KDM4C: variants seen among roughly 807,000 people sequenced by gnomAD.
The protein encoded by KDM4C is lysine-specific demethylase 4C.
A neutral mutation model predicts 129.3 loss-of-function variants in KDM4C; 81 were observed. The ratio of observed to expected loss-of-function variants is 0.63; its 90% confidence interval spans 0.52 to 0.75. The LOEUF (loss-of-function observed/expected upper bound fraction) is 0.75. Among genes scored for constraint, KDM4C ranks in the 30% least tolerant of loss-of-function variants. The probability of loss-of-function intolerance (pLI) is 0.00; values close to 1 mark genes in which losing one functional copy is unlikely to be tolerated. For missense variants in KDM4C, 1,457 were observed against 1,304.0 expected (o/e 1.12, Z -1.81); for synonymous variants, 573 against 456.1 (o/e 1.26, Z -3.26).
intron 8 of KDM4C, among the ~76,000 whole-genome samples, chr9:6,947,801 C>G (rs1335362485): frequency 1.3e-5 from 2 of 150,494 alleles, no homozygotes; most frequent in Non-Finnish European, 3.0e-5. Flanking sequence ...AAGTCAGAAT[C>G]TTGGGTGTGT....
At chr9:7,103,971 C>G (rs1837398439) in intron 18 of KDM4C, 101 bp downstream of exon 18, 2 of 1,052,302 alleles carry the variant, frequency 1.9e-6, no homozygotes, top group Admixed American at 2.1e-5. Context: ...TGTAATATGA[C>G]TCATTGTTGA....
At chr9:6,911,474 A>G (rs1049047752) in intron 8 of KDM4C, among the ~76,000 whole-genome samples, 2 of 152,212 alleles carry the variant, frequency 1.3e-5, no homozygotes, top group Non-Finnish European at 2.9e-5. Context: ...TGAATTACAT[A>G]TCCCGATTAA....
chr9:7,006,703 T>C (rs1821737661), intron 12 of KDM4C, among the ~76,000 whole-genome samples: 1 of 152,200 alleles, frequency 6.6e-6, no homozygotes. Flanking sequence ...TTAACTCATA[T>C]TTCTTTTTGA....
At chr9:7,010,274 G>A (rs1305042986) in intron 12 of KDM4C, among the ~76,000 whole-genome samples, 1 of 152,108 alleles carries the variant, frequency 6.6e-6, no homozygotes, top group Non-Finnish European at 1.5e-5. Flanking sequence ...CTCTACCCAT[G>A]GGTGAATACC....
intron 1 of KDM4C, among the ~76,000 whole-genome samples, chr9:6,787,608 CAG>C (rs552136585): frequency 3.3e-5 from 5 of 152,228 alleles, no homozygotes; most frequent in Non-Finnish European, 2.9e-5. Context: ...AAATTTTGTT[CAG>C]AATGTATTTG....
intron 17 of KDM4C, among the ~76,000 whole-genome samples, chr9:7,085,985 G>A (rs1049841130): frequency 3.3e-5 from 5 of 152,022 alleles, no homozygotes; most frequent in Middle Eastern, 3.2e-3. Flanking sequence ...GCAAAATCCC[G>A]TGTCTACTAA....
At chr9:7,124,869 G>T (rs904745103) in intron 18 of KDM4C, among the ~76,000 whole-genome samples, 34 of 152,158 alleles carry the variant, frequency 2.2e-4, no homozygotes, top group Non-Finnish European at 3.2e-4. Context: ...GATGGTTAGA[G>T]ACCCTTACGA....
intron 1 of KDM4C, among the ~76,000 whole-genome samples, chr9:6,725,342 TTCTC>T (rs1563910390): frequency 8.2e-5 from 12 of 146,314 alleles, no homozygotes; most frequent in African/African-American, 2.8e-4. Flanking sequence ...GTGTGTGTCT[TTCTC>T]TGTTTCCACT....
At chr9:6,795,217 T>C (rs148486026) in intron 2 of KDM4C, among the ~76,000 whole-genome samples, 94 of 152,320 alleles carry the variant, frequency 6.2e-4, no homozygotes, top group Middle Eastern at 3.4e-3. Context: ...ACTATTGGGA[T>C]TGGTGTTCAA....
At chr9:7,102,094 G>A (rs1290630759) in intron 17 of KDM4C, among the ~76,000 whole-genome samples, 1 of 152,126 alleles carries the variant, frequency 6.6e-6, no homozygotes, top group Non-Finnish European at 1.5e-5. Flanking sequence ...ATGGTTCTGT[G>A]TATTTGTGTG....
At chr9:6,819,241 C>CT (rs1171622657) in intron 4 of KDM4C, among the ~76,000 whole-genome samples, 4 of 152,140 alleles carry the variant, frequency 2.6e-5, no homozygotes, top group African/African-American at 9.7e-5. Flanking sequence ...TAAGCATTGA[C>CT]TGTAAAGATG....
At chr9:6,995,117 T>C (rs1819455704) in intron 12 of KDM4C, among the ~76,000 whole-genome samples, 1 of 151,496 alleles carries the variant, frequency 6.6e-6, no homozygotes, top group Admixed American at 6.6e-5. Flanking sequence ...AGCACATTAA[T>C]TAGAGAATGG....
intron 2 of KDM4C, among the ~76,000 whole-genome samples, chr9:6,803,495 G>C (rs969252722): frequency 1.3e-5 from 2 of 151,688 alleles, no homozygotes; most frequent in Admixed American, 6.6e-5. Context: ...GCTTGACCCC[G>C]GGAGGTGGAG....
At chr9:6,936,539 A>T (rs755061846) in intron 8 of KDM4C, among the ~76,000 whole-genome samples, 2 of 152,182 alleles carry the variant, frequency 1.3e-5, no homozygotes, top group African/African-American at 4.8e-5. Flanking sequence ...TTTTAAGATA[A>T]AGTGAAAATT....
chr9:6,988,179 AAAAAAGG>A (rs1818072819), intron 11 of KDM4C, among the ~76,000 whole-genome samples: 1 of 148,970 alleles, frequency 6.7e-6, no homozygotes, highest in African/African-American at 2.5e-5. Flanking sequence ...AAAAAAAAAA[AAAAAAGG>A]AAAAAAAATT....
intron 12 of KDM4C, among the ~76,000 whole-genome samples, chr9:6,992,151 G>T (rs1818871560): frequency 1.3e-5 from 2 of 151,976 alleles, no homozygotes; most frequent in Non-Finnish European, 2.9e-5. Context: ...CTTTCCCATG[G>T]TAGACTCTCT....
At chr9:6,959,748 C>T (rs1347764984) in intron 8 of KDM4C, among the ~76,000 whole-genome samples, 3 of 152,098 alleles carry the variant, frequency 2.0e-5, no homozygotes, top group Admixed American at 6.5e-5. Flanking sequence ...TATGACTACT[C>T]ATAAGTTGTT....
In KDM4C at chr9:6,782,581, A is replaced by G. The variant is rs1303579427; in HGVS notation, c.-17-10391A>G. Among the ~76,000 whole-genome samples the G allele has an allele frequency of 3.3e-5, 5 of 152,262 alleles. No individual in the cohort carries two copies. The East Asian group carries it at 9.7e-4, about 29-fold the overall frequency. On this transcript the variant is annotated intron_variant, in intron 1 of 21. Coordinates refer to ENST00000381309, the MANE Select transcript of KDM4C (RefSeq NM_015061.6). ...GCGTACACGTGACACATATGTCTAT[A>G]TATAGCACAGCAAAGGAGGGAAATG...
At chr9:6,801,484 G>A (rs1162510041) in intron 2 of KDM4C, among the ~76,000 whole-genome samples, 1 of 150,766 alleles carries the variant, frequency 6.6e-6, no homozygotes, top group African/African-American at 2.4e-5. Flanking sequence ...TGATCCACCC[G>A]CCTTGGCCTC....
Sources: allele counts gnomAD v4.1 joint callset (sites outside exome capture counted in the v4.1 genomes callset), GRCh38; gene constraint gnomAD v4.1.1; transcripts MANE v1.5; gene names NCBI Gene and HGNC (gene_info 2026-07-23, HGNC 2026-07-21).